The following FAM13A variants were observed in gnomAD, a reference collection of about 807,000 sequenced individuals.
The protein encoded by FAM13A is family with sequence similarity 13 member A, also known as protein FAM13A.
Under a neutral mutation model 129.6 loss-of-function variants are expected in FAM13A, and 76 were observed. The ratio of observed to expected loss-of-function variants is 0.59; its 90% CI spans 0.49 to 0.71. The LOEUF is 0.71. FAM13A is among the 30% of genes least tolerant of loss of function. The pLI is 0.00. For synonymous variants in FAM13A, 443 were observed against 449.9 expected, an observed-to-expected ratio of 0.98 and a Z score of 0.20; for missense variants, 1,108 against 1,249.3, an observed-to-expected ratio of 0.89 and a Z score of 1.70.
chr4:89,016,994 A>G (rs1766583010), intron 3 of FAM13A, among the ~76,000 whole-genome samples: 1 of 152,174 alleles, frequency 6.6e-6, no homozygotes, highest in African/African-American at 2.4e-5. Flanking sequence ...CTGCATTACA[A>G]CTGCCTACAG....
At chr4:88,973,759 C>G (rs1326060947) in intron 4 of FAM13A, among the ~76,000 whole-genome samples, 1 of 152,044 alleles carries the variant, frequency 6.6e-6, no homozygotes, top group East Asian at 1.9e-4. Flanking sequence ...TGTAAATTGG[C>G]CTTTAATAAT....
intron 4 of FAM13A, among the ~76,000 whole-genome samples, chr4:88,959,337 G>A (rs1193842671): frequency 6.6e-6 from 1 of 152,174 alleles, no homozygotes; most frequent in Non-Finnish European, 1.5e-5. Context: ...TGTTGGTAGT[G>A]GGGCTTGGTG....
intron 5 of FAM13A, among the ~76,000 whole-genome samples, chr4:88,921,799 G>T (rs570366563): frequency 5.5e-4 from 84 of 152,190 alleles, no homozygotes; most frequent in Non-Finnish European, 7.9e-4. Flanking sequence ...CTGTATTCAG[G>T]AAACCCATCT....
At chr4:88,921,801 A>G (rs537731777) in intron 5 of FAM13A, among the ~76,000 whole-genome samples, 84 of 152,296 alleles carry the variant, frequency 5.5e-4, no homozygotes, top group Non-Finnish European at 7.9e-4. Context: ...GTATTCAGGA[A>G]ACCCATCTCA....
At chr4:88,893,592 C>T (rs1251783596) in intron 6 of FAM13A, among the ~76,000 whole-genome samples, 3 of 147,444 alleles carry the variant, frequency 2.0e-5, no homozygotes, top group African/African-American at 7.6e-5. Flanking sequence ...CACTGCACTC[C>T]AGCCTGGGCG....
chr4:88,844,750 G>A (rs72872161), intron 7 of FAM13A, among the ~76,000 whole-genome samples: 2,338 of 152,250 alleles, frequency 0.015, 70 homozygotes, highest in African/African-American at 0.054. Context: ...GAGCAGGAGT[G>A]GAGTCTGTTT....
At chr4:88,855,440 A>G (rs1236057173) in intron 6 of FAM13A, 1 of 152,166 alleles carries the variant, frequency 6.6e-6, no homozygotes, top group Non-Finnish European at 1.5e-5. Context: ...TATGGCATAT[A>G]CACATGATAA....
At position 88,851,182 on chromosome 4, in the gene FAM13A, ATC is replaced by A; in HGVS notation, c.844-1_844del. 1 of 1,569,782 alleles carries A rather than the reference ATC, an allele frequency of 6.4e-7. No individual in the cohort carries two copies. The highest frequency in any genetic ancestry group is 1.8e-5 in the Admixed American group (1 of 55,842). On this transcript the variant is annotated splice_acceptor_variant and coding_sequence_variant, in exon 7 of 24. Coordinates refer to ENST00000264344, the MANE Select transcript of FAM13A (RefSeq NM_014883.4). LOFTEE classifies it high-confidence loss of function. ...AGATCCCTCACTCCTGGATTTTGGG[ATC>A]TAGAAGAAAAAAAAAAGAGGGGTGG...
At chr4:88,984,125 T>C (rs1312929845) in intron 4 of FAM13A, among the ~76,000 whole-genome samples, 1 of 152,182 alleles carries the variant, frequency 6.6e-6, no homozygotes, top group East Asian at 1.9e-4. Context: ...TAGACTCCTT[T>C]ATACCATTCA....
chr4:88,980,684 GATTTTTAA>G (rs1305456015), intron 4 of FAM13A, among the ~76,000 whole-genome samples: 27 of 152,240 alleles, frequency 1.8e-4, no homozygotes, highest in African/African-American at 6.3e-4. Flanking sequence ...GCTTGGGCTT[GATTTTTAA>G]AAATTTCAAC....
At chr4:88,910,052 T>C (rs888916952) in intron 5 of FAM13A, among the ~76,000 whole-genome samples, 3 of 152,214 alleles carry the variant, frequency 2.0e-5, no homozygotes, top group African/African-American at 7.2e-5. Flanking sequence ...TTTCTAAGTG[T>C]TAAATTGTAT....
chr4:88,729,455 G>A (rs773240988), intron 23 of FAM13A: 1 of 152,164 alleles, frequency 6.6e-6, no homozygotes, highest in Non-Finnish European at 1.5e-5. Flanking sequence ...TATTATTAAA[G>A]GGCAAATATG....
Position 89,020,456 on chromosome 4 carries a change from T to C in FAM13A, c.427+4A>G, listed in dbSNP as rs376959528. 6.8e-6 allele frequency: 11 copies of C among 1,610,552 alleles called. No individual in the cohort carries two copies. The highest frequency in any genetic ancestry group is 1.3e-5 in the African/African-American group (1 of 74,822). On this transcript the variant is annotated splice_donor_region_variant and intron_variant, in intron 3 of 23. Transcript: ENST00000264344. ...TAACTCCTAAAAGGATTTATTGTACTAACCCTGAAAGAGTTGAATGAATCG... is the reference window on the plus strand; with the variant it reads ...TAACTCCTAAAAGGATTTATTGTACCAACCCTGAAAGAGTTGAATGAATCG...
intron 4 of FAM13A, among the ~76,000 whole-genome samples, chr4:88,965,029 G>A (rs1309493845): frequency 6.6e-6 from 1 of 152,088 alleles, no homozygotes; most frequent in East Asian, 1.9e-4. Flanking sequence ...TGACATAATG[G>A]GGGGAAAATC....
chr4:88,973,053 T>C (rs1366423746), intron 4 of FAM13A, among the ~76,000 whole-genome samples: 3 of 152,088 alleles, frequency 2.0e-5, no homozygotes, highest in African/African-American at 4.8e-5. Flanking sequence ...TGCTCCTCTA[T>C]AGGTAAAGTG....
chr4:88,920,259 CT>C (rs1750824563), intron 5 of FAM13A, among the ~76,000 whole-genome samples: 1 of 151,938 alleles, frequency 6.6e-6, no homozygotes, highest in Admixed American at 6.5e-5. Context: ...AAGTGGACCC[CT>C]GACCCCTGAC....
chr4:89,041,704 T>C (rs1217964920), intron 1 of FAM13A, among the ~76,000 whole-genome samples: 1 of 152,058 alleles, frequency 6.6e-6, no homozygotes, highest in Non-Finnish European at 1.5e-5. Context: ...ATGGATCACT[T>C]GAGCCCAGGA....
At chr4:88,857,933 A>C (rs958039577) in intron 6 of FAM13A, among the ~76,000 whole-genome samples, 1 of 152,246 alleles carries the variant, frequency 6.6e-6, no homozygotes, top group Non-Finnish European at 1.5e-5. Flanking sequence ...AGAAACATTG[A>C]AATGTTAACA....
At chr4:88,921,113 T>A (rs1330613385) in intron 5 of FAM13A, among the ~76,000 whole-genome samples, 1 of 152,120 alleles carries the variant, frequency 6.6e-6, no homozygotes, top group African/African-American at 2.4e-5. Context: ...TGGAACCAAG[T>A]TGGAAACCAC....
Sources: gnomAD v4.1 joint callset for allele counts (sites outside exome capture counted in the v4.1 genomes callset) on GRCh38, gnomAD v4.1.1 for gene constraint, MANE v1.5 for transcripts, NCBI Gene and HGNC (gene_info 2026-07-23, HGNC 2026-07-21) for gene names.